Variants in AFG2A observed in about 807,000 individuals in gnomAD.
The protein encoded by AFG2A is ATPase family gene 2 protein homolog A.
At chr4:123,007,566 ATATGTGTGTG>A in the AFG2A span, among the ~76,000 whole-genome samples, 4 of 40,184 alleles carry the variant, frequency 1.0e-4, no homozygotes, top group Non-Finnish European at 1.7e-4. Context: ...GTGTGTGTGT[ATATGTGTGTG>A]TGTGTGTGTG....
the AFG2A span, among the ~76,000 whole-genome samples, chr4:123,220,656 T>A: frequency 6.7e-6 from 1 of 148,800 alleles, no homozygotes; most frequent in Admixed American, 6.7e-5. Flanking sequence ...TAAAATTAAA[T>A]TTAGCATATA....
the AFG2A span, among the ~76,000 whole-genome samples, chr4:123,135,949 C>T: frequency 6.6e-6 from 1 of 151,934 alleles, no homozygotes; most frequent in African/African-American, 2.4e-5. Flanking sequence ...TTTACACTAA[C>T]AACAAACTGT....
the AFG2A span, among the ~76,000 whole-genome samples, chr4:123,267,094 A>G: frequency 6.6e-6 from 1 of 152,030 alleles, no homozygotes; most frequent in East Asian, 1.9e-4. Context: ...AATTCTGAGA[A>G]GAGTTCTGAA....
chr4:123,143,720 G>T, the AFG2A span, among the ~76,000 whole-genome samples: 1 of 151,480 alleles, frequency 6.6e-6, no homozygotes, highest in Non-Finnish European at 1.5e-5. Context: ...GTAATGCTTT[G>T]CATTTCTCGG....
chr4:123,082,658 G>C, the AFG2A span, among the ~76,000 whole-genome samples: 2 of 150,680 alleles, frequency 1.3e-5, no homozygotes, highest in African/African-American at 4.9e-5. Context: ...TGGATCTTTT[G>C]CCTCTCAGTA....
At chr4:123,120,266 G>A in the AFG2A span, among the ~76,000 whole-genome samples, 1 of 152,040 alleles carries the variant, frequency 6.6e-6, no homozygotes, top group African/African-American at 2.4e-5. Context: ...CATTAACATA[G>A]TTTCCATATT....
chr4:123,224,411 C>T, the AFG2A span, among the ~76,000 whole-genome samples: 106 of 151,598 alleles, frequency 7.0e-4, 1 homozygote, highest in Non-Finnish European at 1.2e-3. Context: ...CTTCCTGTGT[C>T]CATGTGTTCT....
chr4:122,927,400 C>G, the AFG2A span, among the ~76,000 whole-genome samples: 146 of 152,176 alleles, frequency 9.6e-4, 1 homozygote, highest in East Asian at 5.8e-4. Flanking sequence ...CAATACTCAC[C>G]CCATAAAACA....
At chr4:122,935,991 G>T in the AFG2A span, 2 of 1,296,552 alleles carry the variant, frequency 1.5e-6, no homozygotes, top group South Asian at 1.8e-5. Context: ...AATTCTTTTT[G>T]AAAGTAATTT....
chr4:123,127,200 G>A, the AFG2A span, among the ~76,000 whole-genome samples: 1 of 152,264 alleles, frequency 6.6e-6, no homozygotes, highest in African/African-American at 2.4e-5. Context: ...TGAGACTCTT[G>A]TCTCTAAAAA....
At chr4:123,164,737 T>A in the AFG2A span, among the ~76,000 whole-genome samples, 1 of 152,212 alleles carries the variant, frequency 6.6e-6, no homozygotes, top group Non-Finnish European at 1.5e-5. Context: ...AGAATTTTCT[T>A]AGCATTTTTA....
At chr4:123,247,597 T>G in the AFG2A span, among the ~76,000 whole-genome samples, 1 of 151,802 alleles carries the variant, frequency 6.6e-6, no homozygotes, top group African/African-American at 2.4e-5. Context: ...TGTTTGTTTG[T>G]TTGTTTGTTT....
At chr4:122,991,909 T>C in the AFG2A span, among the ~76,000 whole-genome samples, 3 of 152,314 alleles carry the variant, frequency 2.0e-5, no homozygotes, top group South Asian at 4.1e-4. Context: ...CTGATTATTA[T>C]GAGTTTTTTT....
the AFG2A span, among the ~76,000 whole-genome samples, chr4:123,189,086 C>G: frequency 9.9e-5 from 15 of 152,246 alleles, no homozygotes; most frequent in African/African-American, 3.4e-4. Flanking sequence ...TCCTAAAAGC[C>G]TTAATTTCTT....
the AFG2A span, among the ~76,000 whole-genome samples, chr4:123,116,956 A>C: frequency 0.021 from 3,244 of 152,312 alleles, 66 homozygotes; most frequent in Non-Finnish European, 0.035. Context: ...TCATATAATA[A>C]AGTAATTGCA....
At chr4:123,280,991 A>AT in the AFG2A span, among the ~76,000 whole-genome samples, 2 of 151,868 alleles carry the variant, frequency 1.3e-5, no homozygotes, top group Non-Finnish European at 2.9e-5. Flanking sequence ...AGATATTACC[A>AT]TTTTTTTGTT....
At chr4:123,111,601 A>C in the AFG2A span, among the ~76,000 whole-genome samples, 2 of 152,202 alleles carry the variant, frequency 1.3e-5, no homozygotes, top group African/African-American at 4.8e-5. Flanking sequence ...CTTTAATAGT[A>C]GATCAAATAT....
At chr4:122,926,853 G>A in the AFG2A span, among the ~76,000 whole-genome samples, 4 of 152,126 alleles carry the variant, frequency 2.6e-5, no homozygotes, top group Non-Finnish European at 5.9e-5. Flanking sequence ...TGTAAGCATT[G>A]GAGATACAGA....
the AFG2A span, among the ~76,000 whole-genome samples, chr4:123,082,170 A>G: frequency 6.6e-6 from 1 of 152,168 alleles, no homozygotes; most frequent in African/African-American, 2.4e-5. Flanking sequence ...TTTGTGGATG[A>G]TGTCATTGCC....
Sources: allele counts gnomAD v4.1 joint callset (sites outside exome capture counted in the v4.1 genomes callset), GRCh38; gene constraint gnomAD v4.1.1; transcripts MANE v1.5; gene names NCBI Gene and HGNC (gene_info 2026-07-23, HGNC 2026-07-21).